Variants in DNM1L observed in about 807,000 individuals in gnomAD.
DNM1L encodes dynamin 1L.
Under a neutral mutation model 92.8 loss-of-function variants are expected in DNM1L, and 33 were observed. The ratio of observed to expected loss-of-function variants is 0.36; its 90% CI spans 0.27 to 0.48. The LOEUF (loss-of-function observed/expected upper bound fraction) is 0.48. Ranked by LOEUF, DNM1L falls within the 20% of genes least tolerant of loss-of-function variation. DNM1L has a pLI of 0.99. For missense variants in DNM1L, 485 were observed against 888.8 expected, an observed-to-expected ratio of 0.55 and a Z score of 5.78; for synonymous variants, 284 against 305.0, an observed-to-expected ratio of 0.93 and a Z score of 0.72.
Position 32,737,880 on chromosome 12 carries a change from A to G in DNM1L, c.1612A>G (p.Ser538Gly), listed in dbSNP as rs971412136. ...VSRDKSSKVP[S>G]ALAPASQEPS... Reference sequence around the variant, plus strand: ...TTGCCTTTAGTCTTCTAAAGTTCCAAGTGCTTTGGCACCTGCCTCCCAGGA... The same window carrying G: ...TTGCCTTTAGTCTTCTAAAGTTCCAGGTGCTTTGGCACCTGCCTCCCAGGA... The change falls in exon 15 of 20, where the codon AGT (serine) becomes GGT (glycine). Residue 538 changes from serine (S) to glycine (G), a missense_variant. This residue lies in a region of DNM1L where 65 missense variants were observed against 59.4 expected (regional missense o/e 1.09). Coordinates refer to ENST00000549701, the MANE Select transcript of DNM1L (RefSeq NM_012062.5). The G allele has an allele frequency of 2.5e-6, 4 of 1,613,870 alleles. No homozygotes were observed. The highest frequency in any genetic ancestry group is 2.5e-6 in the Non-Finnish European group (3 of 1,179,992).
In DNM1L at chr12:32,737,177, T is replaced by A; in HGVS notation, c.1596+16T>A. On this transcript the variant is annotated intron_variant, in intron 14 of 19. Coordinates refer to ENST00000549701, the MANE Select transcript of DNM1L (RefSeq NM_012062.5). ...ACGAGACAAGGTAAAAAAATGTTTTTAATGCATATTCCCAATACCTAAAGA... is the reference window on the plus strand; with the variant it reads ...ACGAGACAAGGTAAAAAAATGTTTTAAATGCATATTCCCAATACCTAAAGA... The A allele has an allele frequency of 6.2e-7, 1 of 1,612,916 alleles. No individual in the cohort carries two copies.
intron 6 of DNM1L, among the ~76,000 whole-genome samples, chr12:32,713,794 A>G (rs927502323): frequency 1.3e-5 from 2 of 152,182 alleles, no homozygotes; most frequent in Admixed American, 1.3e-4. Flanking sequence ...AGCCCGGGCA[A>G]CATAGACTCT....
chr12:32,725,275 C>T (rs1358507456), intron 9 of DNM1L: 1 of 152,056 alleles, frequency 6.6e-6, no homozygotes, highest in African/African-American at 2.4e-5. Context: ...TTTTAGGCTA[C>T]AAAAACAAGC....
chr12:32,733,896 A>G lies in DNM1L; in HGVS notation c.1539+89A>G. On this transcript the variant is annotated intron_variant, in intron 13 of 19. Transcript: ENST00000549701. ...AACTTATTTAGCATGGAGTAACTATAAAATAGACATGTGCCACATTAGTGC... is the reference window on the plus strand; with the variant it reads ...AACTTATTTAGCATGGAGTAACTATGAAATAGACATGTGCCACATTAGTGC... The G allele has an allele frequency of 3.5e-6, 4 of 1,136,280 alleles. No individual in the cohort carries two copies. In the South Asian group the frequency reaches 5.0e-5, roughly 14 times the overall value. 70.4% of individuals were successfully genotyped at this position (1,136,280 alleles called of 1,614,324 possible).
In DNM1L at chr12:32,742,673, A is replaced by G. The variant is rs1345429078; in HGVS notation, c.2079A>G (p.Ser693=). The G allele has an allele frequency of 6.2e-7, 1 of 1,614,042 alleles. No homozygotes were observed. Among genetic ancestry groups the G allele is most frequent in the East Asian group, 2.2e-5 (1 of 44,880 alleles). ...AGCTAGTAGGCCAGCTGTATAAATC[A>G]TCCTTATTGGATGATCTTCTGACAG... The part of the protein sequence containing the change: ...QSELVGQLYK[S]SLLDDLLTES... The change falls in exon 19 of 20, where the codon TCA becomes TCG. Residue 693 remains serine, a synonymous_variant. Transcript: ENST00000549701.
intron 1 of DNM1L, among the ~76,000 whole-genome samples, chr12:32,697,480 A>T (rs1459932282): frequency 2.0e-5 from 3 of 152,228 alleles, no homozygotes; most frequent in African/African-American, 7.2e-5. Flanking sequence ...TACTTTCAGT[A>T]ATAATGTTCG....
chr12:32,737,778 C>A, intron 14 of DNM1L, 87 bp from the exon 15 acceptor site: 1 of 1,007,918 alleles, frequency 9.9e-7, no homozygotes, highest in Non-Finnish European at 1.6e-6. Context: ...GATTTCATTA[C>A]AGAAGGGAAA....
chr12:32,683,307 C>G (rs560472583), intron 1 of DNM1L, among the ~76,000 whole-genome samples: 14 of 151,292 alleles, frequency 9.3e-5, no homozygotes, highest in Non-Finnish European at 2.1e-4. Context: ...TCACTGTAAC[C>G]TCAAATTCCT....
intron 2 of DNM1L, among the ~76,000 whole-genome samples, chr12:32,704,669 C>T (rs1226802047): frequency 3.9e-5 from 6 of 151,990 alleles, no homozygotes; most frequent in Admixed American, 3.9e-4. Flanking sequence ...AATCAGTTGC[C>T]CCCCAAAAAG....
chr12:32,727,389 A>T lies in DNM1L; in HGVS notation c.1080-3625A>T. On this transcript the variant is annotated intron_variant, in intron 9 of 19. Coordinates refer to ENST00000549701, the MANE Select transcript of DNM1L (RefSeq NM_012062.5). ...TGTCTGCCATGTTGTAAGAACTCCAAATATCAGTGGCTACTATGAGAAGCC... is the reference window on the plus strand; with the variant it reads ...TGTCTGCCATGTTGTAAGAACTCCATATATCAGTGGCTACTATGAGAAGCC... 5.2e-6 allele frequency: 4 copies of T among 772,344 alleles called. No individual in the cohort carries two copies. The South Asian group carries it at 5.4e-5, about 10-fold the overall frequency. 47.8% of individuals were successfully genotyped at this position (772,344 alleles called of 1,614,324 possible). A position where few individuals can be genotyped will look rare whatever the true frequency, so the allele number is the denominator to read the frequency against.
intron 6 of DNM1L, among the ~76,000 whole-genome samples, chr12:32,715,575 T>C (rs1953325611): frequency 6.6e-6 from 1 of 151,610 alleles, no homozygotes; most frequent in Non-Finnish European, 1.5e-5. Flanking sequence ...TCTCTAAAAA[T>C]ACAAAAATTA....
intron 2 of DNM1L, 66 bp downstream of exon 2, chr12:32,701,628 T>A: frequency 7.1e-7 from 1 of 1,412,324 alleles, no homozygotes; most frequent in Non-Finnish European, 1.0e-6. Context: ...TAAAAAGATA[T>A]GAATTGATTA....
At chr12:32,743,290 C>G in intron 19 of DNM1L, 64 bp from the exon 20 acceptor site, 1 of 1,432,808 alleles carries the variant, frequency 7.0e-7, no homozygotes, top group South Asian at 1.2e-5. Context: ...AATTACCCTG[C>G]GTAATTCAGA....
In DNM1L at chr12:32,720,810, T is replaced by A. The variant is rs774307843; in HGVS notation, c.872+15T>A. On this transcript the variant is annotated intron_variant, in intron 8 of 19. Transcript: ENST00000549701. ...ACTCTAAACAGGTAATTTTTTTACCTTTTGGAAATGAGATGTGTTTGTTTT... is the reference window on the plus strand; with the variant it reads ...ACTCTAAACAGGTAATTTTTTTACCATTTGGAAATGAGATGTGTTTGTTTT... 1.2e-6 allele frequency: 2 copies of A among 1,612,224 alleles called. No homozygotes were observed. The highest frequency in any genetic ancestry group is 1.7e-6 in the Non-Finnish European group (2 of 1,179,636).
At chr12:32,679,911 T>C (rs1951743086) in intron 1 of DNM1L, 1 of 986,736 alleles carries the variant, frequency 1.0e-6, no homozygotes, top group Admixed American at 6.1e-5. Flanking sequence ...GACGGGTGTT[T>C]TATTTCCCTC....
intron 1 of DNM1L, among the ~76,000 whole-genome samples, chr12:32,697,619 AAAG>A (rs763423525): frequency 1.1e-4 from 17 of 152,220 alleles, no homozygotes; most frequent in Non-Finnish European, 1.5e-4. Flanking sequence ...GGTGTGGAAG[AAAG>A]AAGATAGAGA....
intron 1 of DNM1L, among the ~76,000 whole-genome samples, chr12:32,685,814 CTT>C (rs1951988517): frequency 6.6e-6 from 1 of 151,970 alleles, no homozygotes; most frequent in Non-Finnish European, 1.5e-5. Context: ...ATTTCCTTCT[CTT>C]ATGGACAACT....
intron 1 of DNM1L, among the ~76,000 whole-genome samples, chr12:32,695,362 A>G (rs1201445547): frequency 6.6e-6 from 1 of 152,162 alleles, no homozygotes; most frequent in African/African-American, 2.4e-5. Context: ...ACAAACAAAA[A>G]CTGTGAGATA....
rs200427344 is a variant in DNM1L at position 32,731,993 on chromosome 12, A to G, written c.1446+50A>G. Reference sequence around the variant, plus strand: ...TGTAATTACTATTAGTAAAAGTTTAAATTTTTGCTTGGCTGCTTTTTAATA... The same window carrying G: ...TGTAATTACTATTAGTAAAAGTTTAGATTTTTGCTTGGCTGCTTTTTAATA... On this transcript the variant is annotated intron_variant, in intron 12 of 19. Coordinates refer to ENST00000549701, the MANE Select transcript of DNM1L (RefSeq NM_012062.5). This position sits in a 1 kb window ranked among gnomAD's most constrained non-coding sequence, Gnocchi z 5.1. The G allele has an allele frequency of 8.3e-6, 12 of 1,446,170 alleles. No homozygotes were observed. Among genetic ancestry groups the G allele is most frequent in the Middle Eastern group, 2.0e-4 (1 of 4,924 alleles). The allele number at this position is 1,446,170 out of a possible 1,614,324, so 89.6% of individuals were successfully genotyped here.
Sources: allele counts gnomAD v4.1 joint callset (sites outside exome capture counted in the v4.1 genomes callset), GRCh38; gene constraint gnomAD v4.1.1; regional missense constraint gnomAD v4.1.1; non-coding constraint Gnocchi (gnomAD v3.1); transcripts MANE v1.5; gene names NCBI Gene and HGNC (gene_info 2026-07-23, HGNC 2026-07-21).